Variants in CD47 observed in about 807,000 individuals in gnomAD.
CD47 encodes leukocyte surface antigen CD47.
A neutral mutation model predicts 44.6 loss-of-function variants in CD47; 11 were observed. The observed-to-expected ratio is 0.25, with a 90% CI of 0.16 to 0.41. The LOEUF is 0.41. Ranked by LOEUF, CD47 falls within the 10% of genes least tolerant of loss-of-function variation. CD47 has a pLI of 1.00. For missense variants in CD47, 306 were observed against 386.7 expected, an observed-to-expected ratio of 0.79 and a Z score of 1.75; for synonymous variants, 140 against 136.3, an observed-to-expected ratio of 1.03 and a Z score of -0.19.
At chr3:108,077,195 C>T (rs1394252518) in intron 2 of CD47, among the ~76,000 whole-genome samples, 3 of 152,074 alleles carry the variant, frequency 2.0e-5, no homozygotes, top group Non-Finnish European at 4.4e-5. Flanking sequence ...CCTGTATTTG[C>T]AAAAATCACG....
At chr3:108,049,864 T>C (rs2078795141) in intron 9 of CD47, among the ~76,000 whole-genome samples, 1 of 152,160 alleles carries the variant, frequency 6.6e-6, no homozygotes, top group Non-Finnish European at 1.5e-5. Flanking sequence ...CAGATCTAGG[T>C]TTACAAAGAA....
At chr3:108,048,256 T>C (rs941937223) in intron 10 of CD47, among the ~76,000 whole-genome samples, 1 of 151,622 alleles carries the variant, frequency 6.6e-6, no homozygotes, top group African/African-American at 2.4e-5. Flanking sequence ...ATGGCTTATA[T>C]AACAAGACAT....
intron 3 of CD47, among the ~76,000 whole-genome samples, chr3:108,061,148 A>T (rs903911366): frequency 4.6e-5 from 7 of 150,574 alleles, no homozygotes; most frequent in African/African-American, 1.7e-4. Context: ...ATTGAGCTAG[A>T]TAAGTTTTTG....
In CD47 at chr3:108,079,595, A is replaced by C. The variant is rs868280784; in HGVS notation, c.400+396T>G. Among the ~76,000 whole-genome samples, 1,337 of 140,334 alleles carry C rather than the reference A, an allele frequency of 9.5e-3. 28 individuals carry two copies. The highest frequency in any genetic ancestry group is 0.033 in the African/African-American group (1,259 of 37,624). 92.1% of individuals were successfully genotyped at this position (140,334 alleles called of 152,430 possible). On this transcript the variant is annotated intron_variant, in intron 2 of 10. Transcript: ENST00000361309. ...AAAAAAAAAAAAAAAAAAAAAAAAA[A>C]CACAAAAAACAGAAGGCTGAATAAT...
intron 7 of CD47, 53 bp from the exon 8 acceptor site, chr3:108,052,023 G>A (rs1245570746): frequency 1.2e-6 from 1 of 868,066 alleles, no homozygotes; most frequent in East Asian, 2.7e-5. Flanking sequence ...ATAAACTAAG[G>A]CATTTGGTAA....
At chr3:108,057,915 C>A (rs1222318917) in intron 6 of CD47, among the ~76,000 whole-genome samples, 2 of 152,100 alleles carry the variant, frequency 1.3e-5, no homozygotes, top group East Asian at 3.9e-4. Context: ...CAGCTAATAT[C>A]TTTGTAGCGA....
chr3:108,084,728 G>A (rs577001354), intron 1 of CD47, among the ~76,000 whole-genome samples: 1 of 152,150 alleles, frequency 6.6e-6, no homozygotes, highest in South Asian at 2.1e-4. Flanking sequence ...ATCTACCAGT[G>A]AACCAGACCT....
At chr3:108,047,982 G>A (rs1472845599) in intron 10 of CD47, among the ~76,000 whole-genome samples, 4 of 151,882 alleles carry the variant, frequency 2.6e-5, no homozygotes, top group Non-Finnish European at 4.4e-5. Context: ...TTGCTTTCCT[G>A]AAAATGGAGA....
At position 108,090,964 on chromosome 3, in the gene CD47, G is replaced by T; in HGVS notation, c.-56C>A. 1 of 1,314,554 alleles carries T rather than the reference G, an allele frequency of 7.6e-7. No individual in the cohort carries two copies. Among genetic ancestry groups the T allele is most frequent in the East Asian group, 3.2e-5 (1 of 31,454 alleles). The allele number at this position is 1,314,554 out of a possible 1,614,324, so 81.4% of individuals were successfully genotyped here. ...GCCGCAGGTGTCCGGAGCAGCAGCC[G>T]CCGCCGCCGTTACAGGCAGGACCGA... is the stretch of plus-strand genomic sequence containing the variant. On this transcript the variant is annotated 5_prime_UTR_variant, in exon 1 of 11. Coordinates refer to ENST00000361309, the MANE Select transcript of CD47 (RefSeq NM_001777.4).
At chr3:108,081,860 C>T (rs1055447046) in intron 1 of CD47, among the ~76,000 whole-genome samples, 1 of 151,826 alleles carries the variant, frequency 6.6e-6, no homozygotes, top group Non-Finnish European at 1.5e-5. Context: ...TTGACTAGTC[C>T]AAATTGTTAT....
At chr3:108,087,613 T>C (rs1476945684) in intron 1 of CD47, among the ~76,000 whole-genome samples, 1 of 152,182 alleles carries the variant, frequency 6.6e-6, no homozygotes, top group Non-Finnish European at 1.5e-5. Flanking sequence ...CATACTTGCT[T>C]GAAATGGAAA....
chr3:108,048,602 T>A (rs2108217505), intron 10 of CD47, among the ~76,000 whole-genome samples: 1 of 152,130 alleles, frequency 6.6e-6, no homozygotes, highest in South Asian at 2.1e-4. Flanking sequence ...GCCAGGATGG[T>A]CTCGATCTCC....
chr3:108,049,324 A>C (rs181058195), intron 10 of CD47, among the ~76,000 whole-genome samples: 22 of 152,358 alleles, frequency 1.4e-4, no homozygotes, highest in African/African-American at 4.6e-4. Context: ...AAGGCATCTT[A>C]AAGTTACAGT....
chr3:108,080,313 T>C lies in CD47; in HGVS notation c.78A>G (p.Lys26=). 1 of 1,607,510 alleles carries C rather than the reference T, an allele frequency of 6.2e-7. No homozygotes were observed. The highest frequency in any genetic ancestry group is 1.7e-4 in the Middle Eastern group (1 of 6,020). ...CATTACAAAACGTGAATTCTACAGA[T>C]TTTGTTTTATTAAATAGTAGCTGAG... is the stretch of plus-strand genomic sequence containing the variant. The part of the protein sequence containing the change: ...GSAQLLFNKT[K]SVEFTFCNDT... Residue 26 remains lysine, a synonymous_variant, in exon 2 of 11, where the codon AAA becomes AAG. Coordinates refer to ENST00000361309, the MANE Select transcript of CD47 (RefSeq NM_001777.4).
At chr3:108,052,252 C>T in intron 7 of CD47, 1 of 290,922 alleles carries the variant, frequency 3.4e-6, no homozygotes, top group Non-Finnish European at 6.6e-6. Context: ...ACTTGTTACA[C>T]TGGCTGGTGG....
intron 8 of CD47, chr3:108,050,865 C>A: frequency 2.3e-6 from 1 of 439,176 alleles, no homozygotes. Flanking sequence ...CCACTCTCAG[C>A]TCAAGAAATT....
Position 108,069,730 on chromosome 3 carries a change from G to A in CD47, c.490+1363C>T, listed in dbSNP as rs143936304. ...TCCATCAAGCCAAACTCAAAAAATC[G>A]CACTATGTGAAATAATTTCATGATC... is the stretch of plus-strand genomic sequence containing the variant. On this transcript the variant is annotated intron_variant, in intron 3 of 10. Coordinates refer to ENST00000361309, the MANE Select transcript of CD47 (RefSeq NM_001777.4). Among the ~76,000 whole-genome samples the A allele has an allele frequency of 6.1e-3, 928 of 152,122 alleles. 26 individuals are homozygous for A. Among genetic ancestry groups the A allele is most frequent in the Admixed American group, 0.045 (692 of 15,274 alleles).
intron 3 of CD47, among the ~76,000 whole-genome samples, chr3:108,063,204 C>T (rs1297656107): frequency 6.6e-6 from 1 of 152,176 alleles, no homozygotes; most frequent in Non-Finnish European, 1.5e-5. Flanking sequence ...TTCCAGGCCA[C>T]CTTAAACTTT....
In CD47 at chr3:108,058,416, G is replaced by A. The variant is rs1475106025; in HGVS notation, c.705C>T (p.Thr235=). 6.4e-7 allele frequency: 1 copy of A among 1,562,618 alleles called. No individual in the cohort carries two copies. Among genetic ancestry groups the A allele is most frequent in the Non-Finnish European group, 8.7e-7 (1 of 1,151,398 alleles). Reference sequence around the variant, plus strand: ...TAACCAATATGGCAATGACGAAGGAGGTTAATCCAATCGCTGGAGGAAGGA... The same window carrying A: ...TAACCAATATGGCAATGACGAAGGAAGTTAATCCAATCGCTGGAGGAAGGA... The part of the protein sequence containing the change: ...YYVFSTAIGL[T]SFVIAILVIQ... Residue 235 remains threonine (T), a synonymous_variant, in exon 6 of 11, where the codon ACC becomes ACT. Coordinates refer to ENST00000361309, the MANE Select transcript of CD47 (RefSeq NM_001777.4).
Sources: gnomAD v4.1 joint callset for allele counts (sites outside exome capture counted in the v4.1 genomes callset) on GRCh38, gnomAD v4.1.1 for gene constraint, MANE v1.5 for transcripts, NCBI Gene and HGNC (gene_info 2026-07-23, HGNC 2026-07-21) for gene names.